The following LZTR1 variants were observed in gnomAD, a reference collection of about 807,000 sequenced individuals.
LZTR1 encodes the protein leucine zipper like post translational regulator 1.
LZTR1 carries 260 observed loss-of-function variants against 105.7 expected under a neutral mutation model. The observed-to-expected ratio is 2.46, with a 90% confidence interval of 2.22 to 2.72. The LOEUF is 2.72. LZTR1 is among the 30% of genes most tolerant of loss of function. The pLI, the probability that LZTR1 is intolerant of heterozygous loss-of-function variation, is 0.00. For synonymous variants in LZTR1, 490 were observed against 476.4 expected, an observed-to-expected ratio of 1.03 and a Z score of -0.37; for missense variants, 1,214 against 1,166.9, an observed-to-expected ratio of 1.04 and a Z score of -0.59.
At position 20,996,891 on chromosome 22, in the gene LZTR1, G is replaced by A; in HGVS notation, c.2331G>A (p.Leu777=). Residue 777 remains leucine (L), a synonymous_variant, in exon 20 of 21, where the codon CTG becomes CTA. Transcript: ENST00000646124. Reference sequence around the variant, plus strand: ...CAAGGTCCCTGCCATTGCAGATCCTGGAGGCAGCTGACAAAACGCAGGCAC... The same window carrying A: ...CAAGGTCCCTGCCATTGCAGATCCTAGAGGCAGCTGACAAAACGCAGGCAC... ...NVTVQNVLQI[L]EAADKTQALD... The A allele has an allele frequency of 1.2e-6, 2 of 1,612,146 alleles. No homozygotes were observed. The highest frequency in any genetic ancestry group is 1.7e-6 in the Non-Finnish European group (2 of 1,178,762).
intron 16 of LZTR1, 69 bp from the exon 17 acceptor site, chr22:20,995,677 A>G: frequency 6.3e-7 from 1 of 1,585,878 alleles, no homozygotes; most frequent in Non-Finnish European, 8.6e-7. Flanking sequence ...ATATGCAGGA[A>G]GGTAGTGCCG....
intron 5 of LZTR1, 65 bp downstream of exon 5, chr22:20,988,183 G>GC: frequency 1.0e-6 from 1 of 998,490 alleles, no homozygotes; most frequent in Non-Finnish European, 1.6e-6. Flanking sequence ...CCTGGGATCT[G>GC]CCCCCTTTTG....
In LZTR1 at chr22:20,993,765, G is replaced by A; in HGVS notation, c.1353+11G>A. On this transcript the variant is annotated intron_variant, in intron 12 of 20. Transcript: ENST00000646124. The stretch of plus-strand genomic sequence containing the variant: ...TTCGTGCTGGGTGAGGTGGGTGCCT[G>A]TCCTCGCACCCTGCTCTGCCTGCTG... 18 of 1,609,410 alleles carry A rather than the reference G, an allele frequency of 1.1e-5. No homozygotes were observed. Among genetic ancestry groups the A allele is most frequent in the Non-Finnish European group, 1.5e-5 (18 of 1,177,766 alleles).
intron 16 of LZTR1, chr22:20,995,361 G>C (rs772146201): frequency 4.9e-6 from 3 of 616,850 alleles, no homozygotes; most frequent in South Asian, 4.6e-5. Context: ...TGCTTGTAAT[G>C]TCACAGGCCC....
rs1924424434 is a variant in LZTR1 at position 20,987,353 on chromosome 22, C to T, written c.321-151C>T. The T allele has an allele frequency of 6.8e-6, 4 of 586,200 alleles. No homozygotes were observed. In the Admixed American group the frequency reaches 9.0e-5, roughly 13 times the overall value. 36.3% of individuals were successfully genotyped at this position (586,200 alleles called of 1,614,324 possible). A position where few individuals can be genotyped will look rare whatever the true frequency, so the allele number is the denominator to read the frequency against. The stretch of plus-strand genomic sequence containing the variant: ...AGGTTGAGCCGGGATCGTGCCACTG[C>T]ACTCCAGCCGGGACGACAGAGAGAG... On this transcript the variant is annotated intron_variant, in intron 3 of 20. Coordinates refer to ENST00000646124, the MANE Select transcript of LZTR1 (RefSeq NM_006767.4).
Position 20,991,029 on chromosome 22 carries a change from G to A in LZTR1, c.791+504G>A, listed in dbSNP as rs576582900. On this transcript the variant is annotated intron_variant, in intron 8 of 20. Transcript: ENST00000646124. ...CCTGGAGGCCACGGGTGCGTGGGAG[G>A]AAGGGCAGGGAGCCCCAGGATGAGG... 57 of 163,248 alleles carry A rather than the reference G, an allele frequency of 3.5e-4. 1 individual carries two copies. In the East Asian group the frequency reaches 1.0e-2, roughly 29 times the overall value. 10.1% of individuals were successfully genotyped at this position (163,248 alleles called of 1,614,324 possible). A position where few individuals can be genotyped will look rare whatever the true frequency, so the allele number is the denominator to read the frequency against.
chr22:20,988,922 C>G (rs766557210), intron 6 of LZTR1, 50 bp downstream of exon 6: 2 of 1,516,182 alleles, frequency 1.3e-6, no homozygotes, highest in South Asian at 2.2e-5. Context: ...CACTGAGACC[C>G]GGAGCAGGCC....
At chr22:20,987,374 G>C in intron 3 of LZTR1, 130 bp from the exon 4 acceptor site, 1 of 599,656 alleles carries the variant, frequency 1.7e-6, no homozygotes, top group Non-Finnish European at 3.0e-6. Context: ...GGACGACAGA[G>C]AGAGACTCCG....
Position 20,990,478 on chromosome 22 carries a change from A to G in LZTR1, c.744A>G (p.Gly248=). Residue 248 remains glycine (G), a synonymous_variant, in exon 8 of 21, where the codon GGA becomes GGG. Coordinates refer to ENST00000646124, the MANE Select transcript of LZTR1 (RefSeq NM_006767.4). ...DKMFVFSGQS[G]AKITNNLFQF... ...TGTTTGTATTCTCTGGGCAAAGCGG[A>G]GCCAAAATAACCAACAACCTCTTCC... is the stretch of plus-strand genomic sequence containing the variant. The G allele has an allele frequency of 2.5e-6, 4 of 1,613,912 alleles. No individual in the cohort carries two copies. The highest frequency in any genetic ancestry group is 3.4e-6 in the Non-Finnish European group (4 of 1,179,940).
At chr22:20,997,079 A>T (rs769079903) in intron 20 of LZTR1, 113 bp downstream of exon 20, 2 of 1,212,580 alleles carry the variant, frequency 1.6e-6, no homozygotes, top group Middle Eastern at 1.9e-4. Flanking sequence ...CCTGGGGGTG[A>T]GAGAAGCAGA....
In LZTR1 at chr22:20,994,059, G is replaced by T. The variant is rs112336786; in HGVS notation, c.1449+40G>T. ...CGCCCTGCCCTGACCTGGCAGCCAT[G>T]CCTGGTGTCCACTGGGGTGTCCTTG... is the stretch of plus-strand genomic sequence containing the variant. On this transcript the variant is annotated intron_variant, in intron 13 of 20. Transcript: ENST00000646124. 6,127 of 1,588,212 alleles carry T rather than the reference G, an allele frequency of 3.9e-3. 210 individuals carry two copies. In the African/African-American group the frequency reaches 0.073, roughly 19 times the overall value.
intron 2 of LZTR1, among the ~76,000 whole-genome samples, chr22:20,985,635 G>A (rs1924352933): frequency 6.6e-6 from 1 of 152,206 alleles, no homozygotes; most frequent in Non-Finnish European, 1.5e-5. Context: ...GTCTGCCTGT[G>A]TGGCAGCCCT....
chr22:20,985,059 A>ATTT (rs34655832), intron 2 of LZTR1, among the ~76,000 whole-genome samples: 22 of 120,310 alleles, frequency 1.8e-4, no homozygotes, highest in Admixed American at 2.6e-4. Context: ...CTTCGTTTCT[A>ATTT]TTTTTTTTTT....
chr22:20,990,164 C>T (rs1211434754), intron 7 of LZTR1, among the ~76,000 whole-genome samples: 1 of 152,002 alleles, frequency 6.6e-6, no homozygotes, highest in Non-Finnish European at 1.5e-5. Flanking sequence ...GAGTTTAGCC[C>T]CTGATGATTT....
chr22:20,996,681 TTA>T lies in LZTR1; in HGVS notation c.2220-14_2220-13del, dbSNP rs759444815. On this transcript the variant is annotated splice_polypyrimidine_tract_variant and intron_variant, in intron 18 of 20. Coordinates refer to ENST00000646124, the MANE Select transcript of LZTR1 (RefSeq NM_006767.4). ...GGACCAGCTTCCTTTAGTCAGCTCC[TTA>T]ACCAGGCCCCAGCTACTTGTTTGCG... is the stretch of plus-strand genomic sequence containing the variant. 1 of 1,612,354 alleles carries T rather than the reference TTA, an allele frequency of 6.2e-7. No homozygotes were observed. Among genetic ancestry groups the T allele is most frequent in the Non-Finnish European group, 8.5e-7 (1 of 1,178,894 alleles).
chr22:20,994,844 TGCCTG>T, intron 15 of LZTR1, 21 bp from the exon 16 acceptor site: 1 of 1,612,160 alleles, frequency 6.2e-7, no homozygotes. Flanking sequence ...TGACTCTGCC[TGCCTG>T]CCTGTGCCTG....
chr22:20,994,441 G>T, intron 14 of LZTR1, 117 bp from the exon 15 acceptor site: 1 of 1,301,500 alleles, frequency 7.7e-7, no homozygotes, highest in Non-Finnish European at 1.1e-6. Flanking sequence ...TGAGTCCCCC[G>T]AGGCCTTGTT....
At position 20,987,960 on chromosome 22, in the gene LZTR1, T is replaced by C. The variant is rs768523987; in HGVS notation, c.401-50T>C. 5 of 1,122,378 alleles carry C rather than the reference T, an allele frequency of 4.5e-6. No individual in the cohort carries two copies. In the South Asian group the frequency reaches 5.3e-5, roughly 12 times the overall value. The allele number at this position is 1,122,378 out of a possible 1,614,324, so 69.5% of individuals were successfully genotyped here. On this transcript the variant is annotated intron_variant, in intron 4 of 20. Transcript: ENST00000646124. ...CTGCTCCACCTTCCAGGGTTTGAAATCTCCAAGACTGCCCTTTGGGTTTGA... is the reference window on the plus strand; with the variant it reads ...CTGCTCCACCTTCCAGGGTTTGAAACCTCCAAGACTGCCCTTTGGGTTTGA...
In LZTR1 at chr22:20,995,110, C is replaced by G. The variant is rs1272740839; in HGVS notation, c.1942+84C>G. 3.4e-6 allele frequency: 5 copies of G among 1,471,620 alleles called. No homozygotes were observed. In the African/African-American group the frequency reaches 5.6e-5, roughly 16 times the overall value. The allele number at this position is 1,471,620 out of a possible 1,614,324, so 91.2% of individuals were successfully genotyped here. On this transcript the variant is annotated intron_variant, in intron 16 of 20. Transcript: ENST00000646124. ...GGAGATTGGGAGCCATGGAGAGCAC[C>G]TGCCAGGCCCTCGGGGTGGGGGTGG...
Sources: allele counts gnomAD v4.1 joint callset (sites outside exome capture counted in the v4.1 genomes callset), GRCh38; gene constraint gnomAD v4.1.1; transcripts MANE v1.5; gene names NCBI Gene and HGNC (gene_info 2026-07-23, HGNC 2026-07-21).